RANBP17: variants seen among roughly 807,000 people sequenced by gnomAD.
RANBP17 encodes RAN binding protein 17, also known as ran-binding protein 17.
Under a neutral mutation model 141.2 loss-of-function variants are expected in RANBP17, and 158 were observed. That is an observed-to-expected ratio of 1.12 (90% CI 0.98 to 1.28). The LOEUF (loss-of-function observed/expected upper bound fraction) is 1.28, where lower values mean the gene tolerates loss of function less well. RANBP17 is among the 50% of genes most tolerant of loss of function. The pLI, the probability that RANBP17 is intolerant of heterozygous loss-of-function variation, is 0.00. For synonymous variants in RANBP17, 430 were observed against 450.0 expected, an observed-to-expected ratio of 0.96 and a Z score of 0.56; for missense variants, 1,438 against 1,290.7, an observed-to-expected ratio of 1.11 and a Z score of -1.75.
chr5:171,255,764 G>A (rs1310435638), intron 24 of RANBP17, among the ~76,000 whole-genome samples: 1 of 152,172 alleles, frequency 6.6e-6, no homozygotes, highest in African/African-American at 2.4e-5. Flanking sequence ...GGTTGACTGT[G>A]ATTAAAATGT....
chr5:171,029,755 C>A (rs896766782), intron 14 of RANBP17, among the ~76,000 whole-genome samples: 1 of 151,752 alleles, frequency 6.6e-6, no homozygotes, highest in Non-Finnish European at 1.5e-5. Context: ...TCTTATTTTT[C>A]AAAAAAATTT....
intron 14 of RANBP17, among the ~76,000 whole-genome samples, chr5:171,049,931 A>T (rs1412133020): frequency 6.6e-6 from 1 of 152,146 alleles, no homozygotes; most frequent in Non-Finnish European, 1.5e-5. Context: ...TCTTTTGCTT[A>T]GGATTGCTTT....
In RANBP17 at chr5:171,281,595, A is replaced by G. The variant is rs369683997; in HGVS notation, c.2944-12288A>G. 1.3e-3 allele frequency among the ~76,000 whole-genome samples: 198 copies of G among 152,296 alleles called. 9 individuals are homozygous for G. The South Asian group carries it at 0.04, about 30-fold the overall frequency. ...TCCGTACCAATGGTGCTTGACACAC[A>G]GTAGGAGGTCAGAAATTCCTTGAGC... On this transcript the variant is annotated intron_variant, in intron 25 of 27. Transcript: ENST00000523189.
chr5:171,289,987 A>G (rs776222664), intron 25 of RANBP17, among the ~76,000 whole-genome samples: 14 of 151,974 alleles, frequency 9.2e-5, no homozygotes, highest in Non-Finnish European at 1.9e-4. Context: ...CTGAGAGCGT[A>G]CCACTGCACT....
At chr5:171,200,488 T>C (rs914784054) in intron 19 of RANBP17, among the ~76,000 whole-genome samples, 7 of 152,190 alleles carry the variant, frequency 4.6e-5, no homozygotes, top group African/African-American at 1.7e-4. Flanking sequence ...CACTGCTAAA[T>C]AGAAATAGTA....
intron 14 of RANBP17, among the ~76,000 whole-genome samples, chr5:170,989,350 A>G (rs1049676228): frequency 3.3e-5 from 5 of 151,762 alleles, no homozygotes; most frequent in Non-Finnish European, 7.4e-5. Context: ...TGATGGCTTG[A>G]GTATCATTTG....
chr5:171,160,206 T>A (rs1275534636), intron 14 of RANBP17, among the ~76,000 whole-genome samples: 1 of 152,128 alleles, frequency 6.6e-6, no homozygotes. Flanking sequence ...TTTTTTTCTA[T>A]CACTTTTCTT....
chr5:171,039,588 C>T (rs1018802903), intron 14 of RANBP17, among the ~76,000 whole-genome samples: 9 of 151,878 alleles, frequency 5.9e-5, no homozygotes, highest in Non-Finnish European at 1.3e-4. Context: ...AATTAGTTCC[C>T]ATTTGTCAAT....
chr5:170,878,385 A>G, intron 2 of RANBP17, 142 bp downstream of exon 2: 1 of 648,182 alleles, frequency 1.5e-6, no homozygotes, highest in Non-Finnish European at 2.4e-6. Flanking sequence ...TTCACTGTCA[A>G]AGGGGTTAAT....
intron 14 of RANBP17, among the ~76,000 whole-genome samples, chr5:171,020,095 T>C (rs374167117): frequency 1.0e-3 from 155 of 152,342 alleles, no homozygotes; most frequent in African/African-American, 3.7e-3. Context: ...GGGAATTTCA[T>C]AATCCTGAAT....
At chr5:170,862,112 T>C in intron 1 of RANBP17, 61 bp downstream of exon 1, 1 of 1,401,552 alleles carries the variant, frequency 7.1e-7, no homozygotes, top group Non-Finnish European at 9.2e-7. Flanking sequence ...GCGGGACGCG[T>C]CTGGAGACCG....
At chr5:171,273,856 T>A (rs889031446) in intron 25 of RANBP17, among the ~76,000 whole-genome samples, 1 of 152,202 alleles carries the variant, frequency 6.6e-6, no homozygotes, top group Non-Finnish European at 1.5e-5. Flanking sequence ...TTTAAAAGGA[T>A]GTAGTTATTT....
intron 1 of RANBP17, among the ~76,000 whole-genome samples, chr5:170,862,351 C>G (rs1211964664): frequency 6.6e-6 from 1 of 152,202 alleles, no homozygotes; most frequent in Non-Finnish European, 1.5e-5. Flanking sequence ...ACGCCGGCAG[C>G]ACGCTCGCTG....
intron 26 of RANBP17, among the ~76,000 whole-genome samples, chr5:171,295,417 A>G (rs1001628562): frequency 6.6e-5 from 10 of 152,138 alleles, no homozygotes; most frequent in Admixed American, 3.3e-4. Flanking sequence ...AAAAAGCCCA[A>G]AGTCATTTAA....
intron 14 of RANBP17, among the ~76,000 whole-genome samples, chr5:170,976,460 T>G (rs1203916525): frequency 6.6e-6 from 1 of 152,142 alleles, no homozygotes; most frequent in Non-Finnish European, 1.5e-5. Flanking sequence ...TCTTAGCTGT[T>G]GTCTTTGCAG....
intron 16 of RANBP17, among the ~76,000 whole-genome samples, chr5:171,178,299 G>A (rs1050973111): frequency 5.3e-5 from 8 of 151,684 alleles, no homozygotes; most frequent in East Asian, 1.9e-4. Context: ...GTGTTAGTTC[G>A]CAGAGAATGA....
At chr5:171,057,637 A>G (rs1467346163) in intron 14 of RANBP17, among the ~76,000 whole-genome samples, 2 of 142,988 alleles carry the variant, frequency 1.4e-5, no homozygotes, top group South Asian at 2.7e-4. Context: ...CTGTGAAGAA[A>G]TACCCAAGAC....
chr5:171,084,323 G>A (rs1259960743), intron 14 of RANBP17, among the ~76,000 whole-genome samples: 11 of 144,342 alleles, frequency 7.6e-5, no homozygotes, highest in African/African-American at 1.5e-4. Flanking sequence ...AGTATTCCAT[G>A]GTGTATATGT....
chr5:171,083,705 G>C (rs62392974), intron 14 of RANBP17, among the ~76,000 whole-genome samples: 11,078 of 152,234 alleles, frequency 0.073, 462 homozygotes, highest in Non-Finnish European at 0.097. Context: ...CCCACATGTT[G>C]TGGGAGGAAC....
Sources: gnomAD v4.1 joint callset for allele counts (sites outside exome capture counted in the v4.1 genomes callset) on GRCh38, gnomAD v4.1.1 for gene constraint, MANE v1.5 for transcripts, NCBI Gene and HGNC (gene_info 2026-07-23, HGNC 2026-07-21) for gene names.